The following KCNH5 variants were observed in gnomAD, a reference collection of about 807,000 sequenced individuals.
The protein encoded by KCNH5 is potassium voltage-gated channel subfamily H member 5, also known as voltage-gated delayed rectifier potassium channel KCNH5.
Under a neutral mutation model 96.1 loss-of-function variants are expected in KCNH5, and 46 were observed. The observed-to-expected ratio is 0.48, with a 90% CI of 0.38 to 0.61. The LOEUF (loss-of-function observed/expected upper bound fraction) is 0.61. Ranked by LOEUF, KCNH5 falls within the 20% of genes least tolerant of loss-of-function variation. KCNH5 has a pLI of 0.00. For missense variants in KCNH5, 907 were observed against 1,225.8 expected, an observed-to-expected ratio of 0.74 and a Z score of 3.88; for synonymous variants, 439 against 449.8, an observed-to-expected ratio of 0.98 and a Z score of 0.30.
intron 1 of KCNH5, among the ~76,000 whole-genome samples, chr14:63,026,556 A>T (rs1483228505): frequency 6.6e-6 from 1 of 152,098 alleles, no homozygotes; most frequent in Admixed American, 6.6e-5. Context: ...ATATGAATAG[A>T]CATTCCTCAA....
intron 1 of KCNH5, among the ~76,000 whole-genome samples, chr14:63,034,052 TG>T (rs1473511139): frequency 6.6e-5 from 10 of 152,150 alleles, no homozygotes; most frequent in African/African-American, 2.2e-4. Flanking sequence ...CCGGAGTAGC[TG>T]GGACTACAGG....
At chr14:63,003,436 G>A (rs1057322022) in intron 3 of KCNH5, among the ~76,000 whole-genome samples, 2 of 109,588 alleles carry the variant, frequency 1.8e-5, no homozygotes, top group African/African-American at 6.1e-5. Context: ...CACAGAAAGA[G>A]CCATATATAT....
intron 8 of KCNH5, among the ~76,000 whole-genome samples, chr14:62,809,665 T>C (rs1363583807): frequency 6.6e-6 from 1 of 152,146 alleles, no homozygotes; most frequent in African/African-American, 2.4e-5. Flanking sequence ...TGAAATATAA[T>C]TATTCTTGCT....
chr14:62,825,741 T>G (rs1000229386), intron 8 of KCNH5, among the ~76,000 whole-genome samples: 1 of 151,956 alleles, frequency 6.6e-6, no homozygotes, highest in Non-Finnish European at 1.5e-5. Flanking sequence ...ATTCTTCCTT[T>G]CTTTTTTCTT....
intron 7 of KCNH5, among the ~76,000 whole-genome samples, chr14:62,890,568 A>G (rs4359339): frequency 0.56 from 85,240 of 150,954 alleles, 24,878 homozygotes; most frequent in East Asian, 0.72. Flanking sequence ...GCGTGGTGGC[A>G]GGCGCCTGTA....
intron 10 of KCNH5, among the ~76,000 whole-genome samples, chr14:62,762,888 T>C (rs1267742261): frequency 6.6e-6 from 1 of 152,184 alleles, no homozygotes; most frequent in African/African-American, 2.4e-5. Context: ...CTCAAATTCA[T>C]AGAACAAGTT....
intron 7 of KCNH5, among the ~76,000 whole-genome samples, chr14:62,922,080 G>A (rs1475613112): frequency 6.6e-6 from 1 of 152,044 alleles, no homozygotes; most frequent in Non-Finnish European, 1.5e-5. Context: ...TAATGCAAAT[G>A]ATATACATTC....
At chr14:62,732,248 C>T (rs567363954) in intron 10 of KCNH5, among the ~76,000 whole-genome samples, 40 of 152,268 alleles carry the variant, frequency 2.6e-4, no homozygotes, top group African/African-American at 9.4e-4. Flanking sequence ...GTTCCCCTCT[C>T]CACCTATAGA....
rs371778457 is a variant in KCNH5, at chr14:62,915,707, G to C, written c.1369+34426C>G. 3.9e-4 allele frequency among the ~76,000 whole-genome samples: 59 copies of C among 152,212 alleles called. 3 individuals carry two copies. In the South Asian group the frequency reaches 8.3e-3, roughly 21 times the overall value. On this transcript the variant is annotated intron_variant, in intron 7 of 10. Coordinates refer to ENST00000322893, the MANE Select transcript of KCNH5 (RefSeq NM_139318.5). ...TATTTATGAAAGCACCAATAGTTTG[G>C]TAACAATCAGTGCTTAAAAACAGTA...
intron 1 of KCNH5, among the ~76,000 whole-genome samples, chr14:63,026,275 A>T (rs1467683092): frequency 6.6e-6 from 1 of 152,116 alleles, no homozygotes; most frequent in East Asian, 1.9e-4. Flanking sequence ...AAGAAAACAT[A>T]GAAGGAAAGC....
At chr14:62,812,849 T>G (rs1473825981) in intron 8 of KCNH5, among the ~76,000 whole-genome samples, 1 of 152,190 alleles carries the variant, frequency 6.6e-6, no homozygotes, top group Non-Finnish European at 1.5e-5. Context: ...TTTTATTTCT[T>G]GCTATAATGA....
At chr14:62,975,143 A>T (rs73278516) in intron 6 of KCNH5, among the ~76,000 whole-genome samples, 51 of 152,334 alleles carry the variant, frequency 3.3e-4, no homozygotes, top group African/African-American at 1.2e-3. Flanking sequence ...GACAAGGCAC[A>T]AGACTCCAGA....
intron 8 of KCNH5, among the ~76,000 whole-genome samples, chr14:62,827,170 G>A (rs1343869596): frequency 6.6e-6 from 1 of 152,168 alleles, no homozygotes; most frequent in Non-Finnish European, 1.5e-5. Context: ...CAGGTGTAAA[G>A]GCATTTAAAG....
chr14:63,009,437 A>G (rs574962049), intron 2 of KCNH5, among the ~76,000 whole-genome samples: 1 of 152,332 alleles, frequency 6.6e-6, no homozygotes, highest in South Asian at 2.1e-4. Context: ...GGCACTTAAG[A>G]AAAATAATCC....
At chr14:62,811,937 C>T (rs1014792567) in intron 8 of KCNH5, among the ~76,000 whole-genome samples, 1 of 152,112 alleles carries the variant, frequency 6.6e-6, no homozygotes, top group Admixed American at 6.6e-5. Flanking sequence ...CTTATTGAGC[C>T]TGCTCCCCTG....
chr14:62,909,334 C>T (rs549538238), intron 7 of KCNH5, among the ~76,000 whole-genome samples: 3 of 151,890 alleles, frequency 2.0e-5, no homozygotes, highest in South Asian at 2.1e-4. Context: ...CGTGAGCCAC[C>T]GCGCCCGGCC....
intron 10 of KCNH5, among the ~76,000 whole-genome samples, chr14:62,753,513 A>T (rs1487353128): frequency 2.6e-5 from 4 of 152,180 alleles, no homozygotes; most frequent in African/African-American, 4.8e-5. Flanking sequence ...AAGCAGATTT[A>T]ACCCAAAGAA....
chr14:62,733,326 C>T (rs1028981313), intron 10 of KCNH5, among the ~76,000 whole-genome samples: 8 of 152,032 alleles, frequency 5.3e-5, no homozygotes, highest in Admixed American at 3.3e-4. Context: ...AGTGTCCCAT[C>T]ATGAAGAGAC....
chr14:62,948,854 T>C (rs1225986660), intron 7 of KCNH5, among the ~76,000 whole-genome samples: 1 of 144,780 alleles, frequency 6.9e-6, no homozygotes. Context: ...GCTGGTTCAA[T>C]ATACGCAAAT....
Sources: allele counts gnomAD v4.1 joint callset (sites outside exome capture counted in the v4.1 genomes callset), GRCh38; gene constraint gnomAD v4.1.1; transcripts MANE v1.5; gene names NCBI Gene and HGNC (gene_info 2026-07-23, HGNC 2026-07-21).